The following USP29 variants were observed in gnomAD, a reference collection of about 807,000 sequenced individuals.
USP29 encodes the protein ubiquitin carboxyl-terminal hydrolase 29.
For missense variants in USP29, 1,102 were observed against 1,069.0 expected (o/e 1.03, Z -0.43); for synonymous variants, 386 against 387.4 (o/e 1.00, Z 0.04).
rs759662451 is a variant in USP29, at chr19:57,130,826, C to A, written c.2151C>A (p.Asp717Glu). ...SVTESTNGFYDCKENRIPEGS... is the reference protein window; with the variant it reads ...SVTESTNGFYECKENRIPEGS... ...CTGAGTCCACCAATGGCTTTTATGA[C>A]TGTAAAGAAAACAGGATTCCAGAAG... The change falls in exon 4 of 4, where the codon GAC (aspartate) becomes GAA (glutamate). Residue 717 changes from aspartate (D) to glutamate (E), a missense_variant. By Grantham distance (45) the Asp-to-Glu change is conservative. Transcript: ENST00000254181. 1 of 1,614,162 alleles carries A rather than the reference C, an allele frequency of 6.2e-7. No individual in the cohort carries two copies. Among genetic ancestry groups the A allele is most frequent in the South Asian group, 1.1e-5 (1 of 91,088 alleles).
chr19:57,129,930 G>A lies in USP29; in HGVS notation c.1255G>A (p.Val419Met). The A allele has an allele frequency of 6.2e-7, 1 of 1,614,182 alleles. No homozygotes were observed. Among genetic ancestry groups the A allele is most frequent in the Non-Finnish European group, 8.5e-7 (1 of 1,180,038 alleles). ...QMHVGSAATK[V>M]FVCPVVANFE... Reference sequence around the variant, plus strand: ...GCATGTTGGTAGTGCTGCCACCAAAGTGTTTGTTTGCCCTGTTGTTGCTAA... The same window carrying A: ...GCATGTTGGTAGTGCTGCCACCAAAATGTTTGTTTGCCCTGTTGTTGCTAA... Residue 419 changes from valine to methionine, a missense_variant, in exon 4 of 4, where the codon GTG (valine) becomes ATG (methionine). Coordinates refer to ENST00000254181, the MANE Select transcript of USP29 (RefSeq NM_020903.3).
At position 57,125,440 on chromosome 19, in the gene USP29, G is replaced by T. The variant is rs187824457; in HGVS notation, c.-17+1301G>T. Among the ~76,000 whole-genome samples, 55 of 152,120 alleles carry T rather than the reference G, an allele frequency of 3.6e-4. 1 individual carries two copies. Among genetic ancestry groups the T allele is most frequent in the African/African-American group, 1.3e-3 (53 of 41,510 alleles). On this transcript the variant is annotated intron_variant, in intron 3 of 3. Transcript: ENST00000254181. Reference sequence around the variant, plus strand: ...CTCTAAGAACTTGCTTTATGAATCTGGATGCTCCTGTATTGGGTGCATATA... The same window carrying T: ...CTCTAAGAACTTGCTTTATGAATCTTGATGCTCCTGTATTGGGTGCATATA...
rs756776014 is a variant in USP29, at chr19:57,130,220, C to G, written c.1545C>G (p.Ser515Arg). The change falls in exon 4 of 4, where the codon AGC becomes AGG. Residue 515 changes from serine to arginine, a missense_variant. Coordinates refer to ENST00000254181, the MANE Select transcript of USP29 (RefSeq NM_020903.3). Reference protein sequence around the residue: ...RVLIIHLKRYSFNNAWLLVKN... With the variant: ...RVLIIHLKRYRFNNAWLLVKN... ...TTATCATTCATCTGAAACGCTATAG[C>G]TTCAACAATGCTTGGTTGCTGGTGA... The G allele has an allele frequency of 6.2e-7, 1 of 1,614,110 alleles. No individual in the cohort carries two copies. The highest frequency in any genetic ancestry group is 2.2e-5 in the East Asian group (1 of 44,878).
chr19:57,121,367 T>TATATACTTATATATGTTAC (rs1159763824), intron 1 of USP29, among the ~76,000 whole-genome samples: 1 of 145,686 alleles, frequency 6.9e-6, no homozygotes, highest in Non-Finnish European at 1.5e-5. Context: ...CTACTTATGT[T>TATATACTTATATATGTTAC]ATATACTTAT....
In USP29 at chr19:57,128,948, T is replaced by G; in HGVS notation, c.273T>G (p.Asp91Glu). 2 of 1,614,072 alleles carry G rather than the reference T, an allele frequency of 1.2e-6. No homozygotes were observed. The highest frequency in any genetic ancestry group is 1.7e-6 in the Non-Finnish European group (2 of 1,180,002). The change falls in exon 4 of 4, where the codon GAT (aspartate) becomes GAG (glutamate). Residue 91 changes from aspartate to glutamate, a missense_variant. By Grantham distance (45) the Asp-to-Glu change is conservative. Coordinates refer to ENST00000254181, the MANE Select transcript of USP29 (RefSeq NM_020903.3). ...TTATTGACAAATTATCCTACAGAGA[T>G]GCTAAACAGTTGAATATGTTCCTGG... is the stretch of plus-strand genomic sequence containing the variant. ...FLFIDKLSYR[D>E]AKQLNMFLDI...
rs1277438763 is a variant in USP29, at chr19:57,130,977, C to T, written c.2302C>T (p.Leu768Phe). 1.2e-6 allele frequency: 2 copies of T among 1,614,040 alleles called. No individual in the cohort carries two copies. The highest frequency in any genetic ancestry group is 8.5e-7 in the Non-Finnish European group (1 of 1,180,034). The change falls in exon 4 of 4, where the codon CTC becomes TTC. Residue 768 changes from leucine (L) to phenylalanine (F), a missense_variant. Coordinates refer to ENST00000254181, the MANE Select transcript of USP29 (RefSeq NM_020903.3). ...TGCCCAGGAACATACAGAAGAGACC[C>T]TCAATCAGTCTACAGAATTAAGACT... ...LDAQEHTEET[L>F]NQSTELRLQK...
chr19:57,124,840 A>G (rs939375013), intron 3 of USP29, among the ~76,000 whole-genome samples: 5 of 152,092 alleles, frequency 3.3e-5, no homozygotes, highest in African/African-American at 1.2e-4. Context: ...TAATTTTGTT[A>G]TTTAACCAGT....
chr19:57,125,784 C>T (rs903741733), intron 3 of USP29, among the ~76,000 whole-genome samples: 5 of 152,044 alleles, frequency 3.3e-5, no homozygotes, highest in Admixed American at 6.6e-5. Context: ...AATGTTGTTA[C>T]GTGTGAATTT....
rs778521345 is a variant in USP29, at chr19:57,129,905, G to C, written c.1230G>C (p.Met410Ile). The change falls in exon 4 of 4, where the codon ATG becomes ATC. Residue 410 changes from methionine (M) to isoleucine (I), a missense_variant. Transcript: ENST00000254181. ...ECGDENSSPQ[M>I]HVGSAATKVF... ...GGGATGAAAATTCATCTCCACAAAT[G>C]CATGTTGGTAGTGCTGCCACCAAAG... 1 of 1,614,148 alleles carries C rather than the reference G, an allele frequency of 6.2e-7. No individual in the cohort carries two copies. The highest frequency in any genetic ancestry group is 8.5e-7 in the Non-Finnish European group (1 of 1,180,028).
upstream of USP29, among the ~76,000 whole-genome samples, chr19:57,119,786 C>T (rs1375933382): frequency 2.0e-5 from 3 of 152,140 alleles, no homozygotes; most frequent in South Asian, 2.1e-4. Context: ...CCACACCCCA[C>T]CTCGCTTGAG....
At chr19:57,127,466 C>T (rs1278580961) in intron 3 of USP29, among the ~76,000 whole-genome samples, 1 of 152,204 alleles carries the variant, frequency 6.6e-6, no homozygotes, top group Admixed American at 6.5e-5. Context: ...ACCCTTTCTT[C>T]AGAGATGCCC....
intron 3 of USP29, among the ~76,000 whole-genome samples, chr19:57,124,396 C>T (rs1266166686): frequency 1.3e-5 from 2 of 150,192 alleles, no homozygotes; most frequent in East Asian, 1.9e-4. Flanking sequence ...CTCCCCACCT[C>T]GGTTTTGCTA....
In USP29 at chr19:57,130,110, G is replaced by A; in HGVS notation, c.1435G>A (p.Glu479Lys). 1 of 1,613,558 alleles carries A rather than the reference G, an allele frequency of 6.2e-7. No homozygotes were observed. ...GAATTCTTTAGATCTTTTCTTTAAA[G>A]AAGAAGAGCTTGAATATAACTGTCA... ...IQNSLDLFFK[E>K]EELEYNCQMC... The change falls in exon 4 of 4, where the codon GAA (glutamate) becomes AAA (lysine). Residue 479 changes from glutamate (E) to lysine (K), a missense_variant. Physicochemically the swap from Glu to Lys is moderately conservative, Grantham distance 56. Transcript: ENST00000254181.
chr19:57,121,735 A>T lies in USP29; in HGVS notation c.-267-590A>T, dbSNP rs189677413. On this transcript the variant is annotated intron_variant, in intron 1 of 3. Transcript: ENST00000254181. ...ACATATATGTTATATATATATAATT[A>T]TATATATATAAAACAAAAAGCACGG... Among the ~76,000 whole-genome samples, 48 of 147,436 alleles carry T rather than the reference A, an allele frequency of 3.3e-4. 1 individual carries two copies. The highest frequency in any genetic ancestry group is 1.2e-3 in the African/African-American group (48 of 40,602).
Position 57,131,270 on chromosome 19 carries a change from A to G in USP29, c.2595A>G (p.Ser865=), listed in dbSNP as rs889245148. The G allele has an allele frequency of 1.2e-6, 2 of 1,614,094 alleles. No homozygotes were observed. The highest frequency in any genetic ancestry group is 2.7e-5 in the African/African-American group (2 of 74,938). Residue 865 remains serine (S), a synonymous_variant, in exon 4 of 4, where the codon TCA becomes TCG. Transcript: ENST00000254181. ...ACGATCTATGTGTATCAGAAATCTC[A>G]GAGACCAAAATGCAGGAGGCGAGGC... ...TYNDLCVSEI[S]ETKMQEARLH... is the part of the protein sequence containing the mutation.
rs574551426 is a variant in USP29, at chr19:57,129,851, T to G, written c.1176T>G (p.Asn392Lys). 47 of 1,614,174 alleles carry G rather than the reference T, an allele frequency of 2.9e-5. No homozygotes were observed. The highest frequency in any genetic ancestry group is 3.3e-4 in the Middle Eastern group (2 of 6,062). The part of the protein sequence containing the change: ...DQLKEDMEKL[N>K]ATLNTGKECG... ...TGAAAGAAGACATGGAAAAATTAAA[T>G]GCCACTTTGAATACTGGGAAAGAAT... is the stretch of plus-strand genomic sequence containing the variant. The change falls in exon 4 of 4, where the codon AAT becomes AAG. Residue 392 changes from asparagine (N) to lysine (K), a missense_variant. Coordinates refer to ENST00000254181, the MANE Select transcript of USP29 (RefSeq NM_020903.3).
chr19:57,120,614 C>T (rs1042636503), intron 1 of USP29, among the ~76,000 whole-genome samples: 1 of 151,346 alleles, frequency 6.6e-6, no homozygotes, highest in African/African-American at 2.4e-5. Flanking sequence ...AGGTGAAACC[C>T]TGTCTCTACT....
At chr19:57,121,450 G>A (rs1394280890) in intron 1 of USP29, among the ~76,000 whole-genome samples, 1 of 140,484 alleles carries the variant, frequency 7.1e-6, no homozygotes, top group African/African-American at 2.6e-5. Flanking sequence ...ACTTATATAT[G>A]TTATATATAC....
At chr19:57,119,842 T>C (rs1455107554), upstream of USP29, among the ~76,000 whole-genome samples, 1 of 152,162 alleles carries the variant, frequency 6.6e-6, no homozygotes, top group Non-Finnish European at 1.5e-5. Flanking sequence ...TGGTTTTCTC[T>C]GAACCCTAAC....
Sources: allele counts gnomAD v4.1 joint callset (sites outside exome capture counted in the v4.1 genomes callset), GRCh38; gene constraint gnomAD v4.1.1; transcripts MANE v1.5; gene names NCBI Gene and HGNC (gene_info 2026-07-23, HGNC 2026-07-21).